HSPA12A: variants seen among roughly 807,000 people sequenced by gnomAD.
The protein encoded by HSPA12A is heat shock protein family A (Hsp70) member 12A.
Under a neutral mutation model 69.2 loss-of-function variants are expected in HSPA12A, and 28 were observed. That is an observed-to-expected ratio of 0.40 (90% confidence interval 0.30 to 0.55). The LOEUF (loss-of-function observed/expected upper bound fraction) is 0.55. HSPA12A is among the 20% of genes least tolerant of loss of function. HSPA12A has a pLI of 0.38. For synonymous variants in HSPA12A, 345 were observed against 370.5 expected, an observed-to-expected ratio of 0.93 and a Z score of 0.79; for missense variants, 686 against 900.7, an observed-to-expected ratio of 0.76 and a Z score of 3.05.
chr10:116,727,751 G>GGTT (rs1851016626), intron 1 of HSPA12A, among the ~76,000 whole-genome samples: 1 of 64,560 alleles, frequency 1.5e-5, no homozygotes, highest in South Asian at 6.8e-4. Context: ...AATGTAAGTG[G>GGTT]GTTTTTTTTT....
intron 2 of HSPA12A, among the ~76,000 whole-genome samples, chr10:116,803,537 A>C (rs1845004863): frequency 6.6e-6 from 1 of 152,182 alleles, no homozygotes. Flanking sequence ...TTTAAATCAA[A>C]GGTTCCAGGA....
chr10:116,687,916 T>C (rs1055069890), intron 6 of HSPA12A, among the ~76,000 whole-genome samples: 7 of 152,224 alleles, frequency 4.6e-5, no homozygotes, highest in Non-Finnish European at 1.0e-4. Flanking sequence ...ACAGGCCACA[T>C]TGTGGCCCAG....
At chr10:116,804,352 G>A (rs1326495986) in intron 2 of HSPA12A, among the ~76,000 whole-genome samples, 1 of 152,156 alleles carries the variant, frequency 6.6e-6, no homozygotes, top group Non-Finnish European at 1.5e-5. Context: ...TAACAGCGGT[G>A]GCACCAGGCT....
chr10:116,778,512 G>C (rs112397791), intron 2 of HSPA12A, among the ~76,000 whole-genome samples: 28 of 152,244 alleles, frequency 1.8e-4, no homozygotes, highest in Admixed American at 1.3e-4. Context: ...AGGAGCTCAG[G>C]CTCCTTCAAA....
intron 2 of HSPA12A, among the ~76,000 whole-genome samples, chr10:116,778,738 G>A (rs782291337): frequency 2.0e-5 from 3 of 152,050 alleles, no homozygotes; most frequent in Non-Finnish European, 4.4e-5. Flanking sequence ...GACCAGCTTG[G>A]ATGGCATGAT....
At chr10:116,839,535 T>C (rs2133220387) in intron 1 of HSPA12A, among the ~76,000 whole-genome samples, 1 of 144,418 alleles carries the variant, frequency 6.9e-6, no homozygotes, top group Middle Eastern at 3.7e-3. Flanking sequence ...AATACCCCAT[T>C]GAAAGAGATG....
chr10:116,702,797 ATATGTTC>A (rs1850117970), intron 3 of HSPA12A, among the ~76,000 whole-genome samples: 3 of 152,208 alleles, frequency 2.0e-5, no homozygotes, highest in African/African-American at 7.2e-5. Context: ...CATTATGCTA[ATATGTTC>A]TGATTGAAAT....
upstream of HSPA12A, among the ~76,000 whole-genome samples, chr10:116,744,040 GCCTA>G (rs1851590498): frequency 1.3e-5 from 2 of 152,094 alleles, no homozygotes; most frequent in Admixed American, 6.5e-5. Flanking sequence ...GGCCCTTCCT[GCCTA>G]CGTGCCTGCG....
chr10:116,675,074 C>A lies in HSPA12A; in HGVS notation c.1735G>T (p.Ala579Ser). Residue 579 changes from alanine to serine, a missense_variant, in exon 12 of 12, where the codon GCT (alanine) becomes TCT (serine). Physicochemically the swap from Ala to Ser is moderately conservative, Grantham distance 99. Transcript: ENST00000369209. The surrounding 1 kb of genome is among the most constrained non-coding windows in gnomAD (Gnocchi z 5.2). Reference protein sequence around the residue: ...DKFISADQSVALGELVKRSYT... With the variant: ...DKFISADQSVSLGELVKRSYT... ...CTACGCTTGACCAGCTCACCCAGAG[C>A]CACAGACTGGTCGGCAGAGATGAAC... 6.2e-6 allele frequency: 10 copies of A among 1,614,060 alleles called. No individual in the cohort carries two copies. The highest frequency in any genetic ancestry group is 8.5e-6 in the Non-Finnish European group (10 of 1,180,018).
chr10:116,698,841 C>G, intron 4 of HSPA12A, 102 bp from the exon 5 acceptor site: 2 of 886,798 alleles, frequency 2.3e-6, no homozygotes, highest in South Asian at 2.9e-5. Context: ...TCCTGGTGAG[C>G]CATGTCTGTG....
intron 1 of HSPA12A, among the ~76,000 whole-genome samples, chr10:116,734,341 T>C (rs1451469443): frequency 6.6e-6 from 1 of 151,466 alleles, no homozygotes; most frequent in Non-Finnish European, 1.5e-5. Flanking sequence ...TCCCAGCTAC[T>C]CGGGAAGCTG....
rs782664837 is a variant in HSPA12A at position 116,723,802 on chromosome 10, G to A, written c.41-16517C>T. On this transcript the variant is annotated intron_variant, in intron 1 of 11. Coordinates refer to ENST00000369209, the MANE Select transcript of HSPA12A (RefSeq NM_025015.3). This position sits in a 1 kb window ranked among gnomAD's most constrained non-coding sequence, Gnocchi z 4.1. ...CCTCTCCACCCGTTCCTTAGATCCC[G>A]GCTGCTTCCAGTACCGAGCCACCTC... Among the ~76,000 whole-genome samples the A allele has an allele frequency of 5.3e-5, 8 of 152,148 alleles. No homozygotes were observed. Among genetic ancestry groups the A allele is most frequent in the South Asian group, 2.1e-4 (1 of 4,830 alleles).
At chr10:116,680,547 G>A (rs1017973057) in intron 9 of HSPA12A, among the ~76,000 whole-genome samples, 9 of 152,026 alleles carry the variant, frequency 5.9e-5, no homozygotes, top group African/African-American at 1.4e-4. Context: ...GTGCAGTGGC[G>A]CAATGTCTGC....
rs772187861 is a variant in HSPA12A at position 116,849,716 on chromosome 10, C to A, written c.-148G>T. 162 of 1,529,216 alleles carry A rather than the reference C, an allele frequency of 1.1e-4. No homozygotes were observed. The highest frequency in any genetic ancestry group is 1.8e-4 in the Admixed American group (9 of 48,942). 94.7% of individuals were successfully genotyped at this position (1,529,216 alleles called of 1,614,324 possible). ...CCACCTTCTACCTCCAGCCTGCCGA[C>A]GTCTACGGGCACCTGGTAGGGACCT... On this transcript the variant is annotated 5_prime_UTR_variant, in exon 1 of 13. Coordinates refer to the HSPA12A transcript ENST00000635765.
intron 6 of HSPA12A, among the ~76,000 whole-genome samples, chr10:116,690,419 T>C (rs1376282720): frequency 1.3e-5 from 2 of 152,132 alleles, no homozygotes; most frequent in African/African-American, 2.4e-5. Context: ...AAAAAAGCAA[T>C]TGAATGATCG....
At chr10:116,692,284 C>T (rs1018934172) in intron 6 of HSPA12A, 67 bp downstream of exon 6, 4 of 1,268,650 alleles carry the variant, frequency 3.2e-6, no homozygotes, top group African/African-American at 1.5e-5. Flanking sequence ...GGCGGGGCTA[C>T]AGTCACCACC....
intron 2 of HSPA12A, among the ~76,000 whole-genome samples, chr10:116,826,828 G>C (rs914221632): frequency 1.3e-5 from 2 of 152,130 alleles, no homozygotes; most frequent in African/African-American, 4.8e-5. Flanking sequence ...CACACTTCTT[G>C]GATGTTTAAT....
chr10:116,733,944 T>C (rs908550286), intron 1 of HSPA12A, among the ~76,000 whole-genome samples: 1 of 152,214 alleles, frequency 6.6e-6, no homozygotes. Context: ...TAATGCAGCA[T>C]ATTTTCCTAC....
chr10:116,738,467 C>G (rs1554886639), intron 1 of HSPA12A, among the ~76,000 whole-genome samples: 1 of 152,186 alleles, frequency 6.6e-6, no homozygotes, highest in Non-Finnish European at 1.5e-5. Context: ...GGCTCCATGG[C>G]TGACTCATAT....
Sources: allele counts gnomAD v4.1 joint callset (sites outside exome capture counted in the v4.1 genomes callset), GRCh38; gene constraint gnomAD v4.1.1; non-coding constraint Gnocchi (gnomAD v3.1); transcripts MANE v1.5; gene names NCBI Gene and HGNC (gene_info 2026-07-23, HGNC 2026-07-21).